Variants in CNBD1 observed in about 807,000 individuals in gnomAD.
The protein encoded by CNBD1 is cyclic nucleotide binding domain containing 1.
Under a neutral mutation model 54.4 loss-of-function variants are expected in CNBD1, and 71 were observed. The observed-to-expected ratio is 1.30, with a 90% confidence interval of 1.08 to 1.59. CNBD1 has a LOEUF of 1.59. Ranked by LOEUF, CNBD1 falls within the 40% of genes most tolerant of loss-of-function variation. CNBD1 has a pLI of 0.00. For missense variants in CNBD1, 659 were observed against 518.0 expected (o/e 1.27, Z -2.64); for synonymous variants, 182 against 170.7 (o/e 1.07, Z -0.51).
intron 4 of CNBD1, among the ~76,000 whole-genome samples, chr8:87,002,697 G>A (rs546623437): frequency 6.7e-6 from 1 of 150,222 alleles, no homozygotes; most frequent in East Asian, 2.0e-4. Context: ...CTTTCAACCT[G>A]TTCTCCCAAC....
intron 6 of CNBD1, among the ~76,000 whole-genome samples, chr8:87,256,014 T>TATATATA (rs1808014840): frequency 5.4e-5 from 1 of 18,466 alleles, no homozygotes; most frequent in Non-Finnish European, 8.7e-5. Context: ...TATATATATA[T>TATATATA]ATTTTTTTTT....
intron 4 of CNBD1, among the ~76,000 whole-genome samples, chr8:87,056,283 C>T (rs1322748700): frequency 1.3e-5 from 2 of 152,156 alleles, no homozygotes; most frequent in East Asian, 3.9e-4. Context: ...TCAGGGCACA[C>T]TGCTGGGCTG....
intron 6 of CNBD1, among the ~76,000 whole-genome samples, chr8:87,273,087 A>G (rs1199614069): frequency 6.6e-6 from 1 of 151,956 alleles, no homozygotes; most frequent in African/African-American, 2.4e-5. Flanking sequence ...TTCCCCTAAT[A>G]ATAGGAAAAT....
At position 87,404,012 on chromosome 8, in the gene CNBD1, T is replaced by A. The variant is rs181058657; in HGVS notation, c.214-24534T>A. Among the ~76,000 whole-genome samples, 134 of 152,190 alleles carry A rather than the reference T, an allele frequency of 8.8e-4. 1 individual carries two copies. The highest frequency in any genetic ancestry group is 8.3e-3 in the Admixed American group (127 of 15,254). ...TTACACTTCAGATGTCCAGATCAAC[T>A]GAGAGCACTATTAGAGAGAGGTTTG... is the stretch of plus-strand genomic sequence containing the variant. On this transcript the variant is annotated intron_variant, in intron 2 of 7. Coordinates refer to the CNBD1 transcript ENST00000521593.
At chr8:86,915,528 C>T (rs1809170257) in intron 3 of CNBD1, among the ~76,000 whole-genome samples, 1 of 152,160 alleles carries the variant, frequency 6.6e-6, no homozygotes, top group South Asian at 2.1e-4. Flanking sequence ...CCAAAGTTAG[C>T]TCGGCCCATG....
intron 8 of CNBD1, among the ~76,000 whole-genome samples, chr8:87,317,438 G>T (rs529064845): frequency 2.0e-5 from 3 of 150,718 alleles, no homozygotes; most frequent in African/African-American, 4.9e-5. Flanking sequence ...CTTGGCCCAT[G>T]GTTTACTTGA....
intron 4 of CNBD1, among the ~76,000 whole-genome samples, chr8:87,087,893 C>G (rs1010014524): frequency 2.6e-5 from 4 of 152,150 alleles, no homozygotes; most frequent in Non-Finnish European, 4.4e-5. Context: ...TTGCAAAGGT[C>G]ATGCGGTCAG....
At chr8:86,961,456 A>C (rs947195869) in intron 4 of CNBD1, among the ~76,000 whole-genome samples, 1 of 152,242 alleles carries the variant, frequency 6.6e-6, no homozygotes, top group Non-Finnish European at 1.5e-5. Context: ...TTACTTTCCT[A>C]TTCAACAGTA....
rs1291926802 is a variant in CNBD1 at position 87,033,388 on chromosome 8, G to T, written c.431+93634G>T. ...TTCAATAACAATAGAGCTTTAAAAG[G>T]CAATTTCTTACTGACAAGGTAATTC... On this transcript the variant is annotated intron_variant, in intron 4 of 10. Transcript: ENST00000518476. 4.6e-5 allele frequency among the ~76,000 whole-genome samples: 7 copies of T among 152,252 alleles called. No individual in the cohort carries two copies. The South Asian group carries it at 1.2e-3, about 27-fold the overall frequency.
In CNBD1 at chr8:87,395,057, T is replaced by A. The variant is rs558549536; in HGVS notation, c.214-33489T>A. On this transcript the variant is annotated intron_variant, in intron 2 of 7. Transcript: ENST00000521593. Reference sequence around the variant, plus strand: ...AGCTCAAAAGCACTTCGCTTAATGTTTTTTTTACTCAAAATACAATAACAT... The same window carrying A: ...AGCTCAAAAGCACTTCGCTTAATGTATTTTTTACTCAAAATACAATAACAT... 4.7e-5 allele frequency among the ~76,000 whole-genome samples: 7 copies of A among 149,304 alleles called. No individual in the cohort carries two copies. The South Asian group carries it at 1.2e-3, about 27-fold the overall frequency.
intron 8 of CNBD1, among the ~76,000 whole-genome samples, chr8:87,334,751 G>A (rs7005179): frequency 0.39 from 55,004 of 142,338 alleles, 10,721 homozygotes; most frequent in Middle Eastern, 0.45. Context: ...ATGGAGTCTC[G>A]CTCTGTTGCC....
intron 2 of CNBD1, among the ~76,000 whole-genome samples, chr8:87,415,524 C>A (rs150305537): frequency 8.5e-4 from 130 of 152,122 alleles, no homozygotes; most frequent in African/African-American, 2.9e-3. Flanking sequence ...TGAGCCTCAT[C>A]ATGACACTAC....
chr8:86,949,252 T>C (rs1378299044), intron 4 of CNBD1, among the ~76,000 whole-genome samples: 1 of 152,220 alleles, frequency 6.6e-6, no homozygotes, highest in Non-Finnish European at 1.5e-5. Flanking sequence ...TGGTTCCATA[T>C]AAATTTTAGG....
At chr8:87,282,734 T>C (rs1162663359) in intron 6 of CNBD1, among the ~76,000 whole-genome samples, 1 of 152,036 alleles carries the variant, frequency 6.6e-6, no homozygotes, top group Non-Finnish European at 1.5e-5. Context: ...TGGATGATTT[T>C]TGCTTTCATA....
At chr8:87,072,215 A>G (rs1810773105) in intron 4 of CNBD1, among the ~76,000 whole-genome samples, 1 of 151,976 alleles carries the variant, frequency 6.6e-6, no homozygotes, top group Non-Finnish European at 1.5e-5. Context: ...TGCGTGTAAG[A>G]TGTGTCCCTT....
At chr8:87,361,924 TA>T (rs1211430381) in intron 10 of CNBD1, among the ~76,000 whole-genome samples, 12 of 152,010 alleles carry the variant, frequency 7.9e-5, no homozygotes, top group Admixed American at 7.9e-4. Context: ...TACTCTGTGA[TA>T]AGTGAAAATT....
chr8:87,225,905 C>A lies in CNBD1; in HGVS notation c.578-11014C>A, dbSNP rs909070473. 2.5e-3 allele frequency among the ~76,000 whole-genome samples: 374 copies of A among 149,572 alleles called. 2 individuals carry two copies. The highest frequency in any genetic ancestry group is 8.8e-3 in the African/African-American group (348 of 39,468). ...TTGGTTGGTAAGCTATTGATTATTGCCACAATTTCAGCTCCTGTTATTGGT... is the reference window on the plus strand; with the variant it reads ...TTGGTTGGTAAGCTATTGATTATTGACACAATTTCAGCTCCTGTTATTGGT... On this transcript the variant is annotated intron_variant, in intron 5 of 10. Coordinates refer to ENST00000518476, the MANE Select transcript of CNBD1 (RefSeq NM_173538.3).
chr8:87,323,370 C>T (rs1248337304), intron 8 of CNBD1, among the ~76,000 whole-genome samples: 4 of 138,766 alleles, frequency 2.9e-5, no homozygotes, highest in Non-Finnish European at 4.7e-5. Context: ...ATGGGGATGG[C>T]ATTGAATCTG....
intron 4 of CNBD1, among the ~76,000 whole-genome samples, chr8:87,099,065 A>AAAAAAAAAAAAAAAAAAAAAC (rs978372704): frequency 6.9e-6 from 1 of 143,984 alleles, no homozygotes; most frequent in African/African-American, 2.8e-5. Flanking sequence ...AAAAAACAAA[A>AAAAAAAAAAAAAAAAAAAAAC]CTCCAAATTT....
Sources: allele counts gnomAD v4.1 joint callset (sites outside exome capture counted in the v4.1 genomes callset), GRCh38; gene constraint gnomAD v4.1.1; transcripts MANE v1.5; gene names NCBI Gene and HGNC (gene_info 2026-07-23, HGNC 2026-07-21).